The following FHIT variants were observed in gnomAD, a reference collection of about 807,000 sequenced individuals.
FHIT encodes the protein fragile histidine triad diadenosine triphosphatase.
A neutral mutation model predicts 17.9 loss-of-function variants in FHIT; 19 were observed. The ratio of observed to expected loss-of-function variants is 1.06; its 90% CI spans 0.74 to 1.56. The LOEUF (loss-of-function observed/expected upper bound fraction) is 1.56, where lower values mean the gene tolerates loss of function less well. Among genes scored for constraint, FHIT ranks in the 40% most tolerant of loss-of-function variants. The pLI is 0.00. For synonymous variants in FHIT, 81 were observed against 69.7 expected (o/e 1.16, Z -0.81); for missense variants, 248 against 189.2 (o/e 1.31, Z -1.82).
intron 8 of FHIT, among the ~76,000 whole-genome samples, chr3:59,829,574 C>T (rs535262620): frequency 1.1e-3 from 162 of 152,274 alleles, no homozygotes; most frequent in African/African-American, 3.4e-3. Flanking sequence ...GAACTGGATT[C>T]GGTGGTATGG....
rs145142344 is a variant in FHIT at position 60,313,231 on chromosome 3, C to A, written c.103+223629G>T. The stretch of plus-strand genomic sequence containing the variant: ...ACATATTTAGATACGTGCATTAGCA[C>A]CTTGGCATACACTTTTATAAACACT... On this transcript the variant is annotated intron_variant, in intron 5 of 9. Coordinates refer to ENST00000492590, the MANE Select transcript of FHIT (RefSeq NM_002012.4). Among the ~76,000 whole-genome samples, 158 of 152,318 alleles carry A rather than the reference C, an allele frequency of 1.0e-3. 1 individual carries two copies. Among genetic ancestry groups the A allele is most frequent in the African/African-American group, 3.6e-3 (150 of 41,576 alleles).
chr3:59,947,300 G>A (rs780534298), intron 7 of FHIT, among the ~76,000 whole-genome samples: 1 of 152,168 alleles, frequency 6.6e-6, no homozygotes, highest in Non-Finnish European at 1.5e-5. Flanking sequence ...TGTGTGCATA[G>A]AAGTAGTAGT....
chr3:61,130,103 C>A (rs756443298), intron 2 of FHIT, among the ~76,000 whole-genome samples: 1 of 152,090 alleles, frequency 6.6e-6, no homozygotes. Flanking sequence ...CTCAAAAAGA[C>A]CAGAGTCTAG....
At chr3:60,021,953 C>A (rs1700568555) in intron 5 of FHIT, among the ~76,000 whole-genome samples, 1 of 152,192 alleles carries the variant, frequency 6.6e-6, no homozygotes, top group Non-Finnish European at 1.5e-5. Context: ...TAAAATAGCT[C>A]TCTTTACCGC....
At chr3:61,012,554 G>C (rs1051535362) in intron 3 of FHIT, among the ~76,000 whole-genome samples, 1 of 151,664 alleles carries the variant, frequency 6.6e-6, no homozygotes, top group Non-Finnish European at 1.5e-5. Flanking sequence ...TGAAAAATTG[G>C]GATTGTGCTA....
intron 4 of FHIT, among the ~76,000 whole-genome samples, chr3:60,584,415 C>A (rs1553660955): frequency 2.6e-5 from 4 of 151,872 alleles, no homozygotes. Flanking sequence ...CCCTTGTGAG[C>A]TGCGGTGGCG....
chr3:60,563,675 A>C (rs2037034293), intron 4 of FHIT, among the ~76,000 whole-genome samples: 1 of 152,226 alleles, frequency 6.6e-6, no homozygotes, highest in Admixed American at 6.5e-5. Context: ...TAGAAGATCA[A>C]ACAAGCCACA....
intron 5 of FHIT, among the ~76,000 whole-genome samples, chr3:60,063,080 T>C (rs1408233793): frequency 6.6e-6 from 1 of 152,102 alleles, no homozygotes; most frequent in East Asian, 1.9e-4. Context: ...GCAAACAAAT[T>C]GCACATCCTG....
At chr3:60,709,884 A>G (rs1302144247) in intron 4 of FHIT, among the ~76,000 whole-genome samples, 3 of 152,270 alleles carry the variant, frequency 2.0e-5, no homozygotes, top group African/African-American at 4.8e-5. Context: ...TATGTTAAAT[A>G]CTTGAGTTTG....
intron 1 of FHIT, among the ~76,000 whole-genome samples, chr3:61,224,583 T>TA (rs2039920301): frequency 6.6e-6 from 1 of 152,154 alleles, no homozygotes; most frequent in African/African-American, 2.4e-5. Flanking sequence ...CTAATTTTTT[T>TA]ATTTTTAATA....
intron 5 of FHIT, among the ~76,000 whole-genome samples, chr3:60,351,186 T>C (rs971169668): frequency 1.3e-5 from 2 of 152,226 alleles, no homozygotes; most frequent in Admixed American, 6.5e-5. Flanking sequence ...TAATTTGTTA[T>C]ATAGCGACAG....
intron 7 of FHIT, among the ~76,000 whole-genome samples, chr3:59,946,138 T>G (rs1203722073): frequency 6.6e-6 from 1 of 152,218 alleles, no homozygotes; most frequent in Non-Finnish European, 1.5e-5. Flanking sequence ...TTTAACAGTA[T>G]TGATTCTTCC....
At chr3:60,407,641 A>G (rs750255078) in intron 5 of FHIT, among the ~76,000 whole-genome samples, 1 of 152,032 alleles carries the variant, frequency 6.6e-6, no homozygotes, top group Non-Finnish European at 1.5e-5. Flanking sequence ...CGGCCTCCCA[A>G]ATAGCTGGGA....
chr3:60,168,916 T>C (rs1358433474), intron 5 of FHIT, among the ~76,000 whole-genome samples: 1 of 152,200 alleles, frequency 6.6e-6, no homozygotes, highest in Non-Finnish European at 1.5e-5. Context: ...CCCCAGCAGA[T>C]ATCAAACCTG....
chr3:60,048,261 C>A (rs1050273645), intron 5 of FHIT, among the ~76,000 whole-genome samples: 1 of 152,206 alleles, frequency 6.6e-6, no homozygotes, highest in Non-Finnish European at 1.5e-5. Context: ...ACTGCACCTT[C>A]TGCCTCCTGG....
At chr3:59,812,975 T>A (rs1700459911) in intron 8 of FHIT, among the ~76,000 whole-genome samples, 1 of 152,136 alleles carries the variant, frequency 6.6e-6, no homozygotes, top group South Asian at 2.1e-4. Context: ...GAAAATTCCG[T>A]GCCCCTGGGT....
At chr3:60,240,017 T>C (rs977545985) in intron 5 of FHIT, among the ~76,000 whole-genome samples, 4 of 152,164 alleles carry the variant, frequency 2.6e-5, no homozygotes, top group Non-Finnish European at 5.9e-5. Flanking sequence ...ACTGCTATCA[T>C]AGGATTAAAT....
At chr3:60,747,197 T>C (rs1359732698) in intron 4 of FHIT, among the ~76,000 whole-genome samples, 1 of 152,006 alleles carries the variant, frequency 6.6e-6, no homozygotes, top group Admixed American at 6.6e-5. Context: ...ATGCCCTTCC[T>C]CCTTCATCTA....
At chr3:59,950,796 C>G (rs1707079138) in intron 7 of FHIT, among the ~76,000 whole-genome samples, 1 of 152,166 alleles carries the variant, frequency 6.6e-6, no homozygotes, top group Admixed American at 6.5e-5. Context: ...GAAAACACCT[C>G]TGAATCCAAC....
Sources: gnomAD v4.1 joint callset for allele counts (sites outside exome capture counted in the v4.1 genomes callset) on GRCh38, gnomAD v4.1.1 for gene constraint, MANE v1.5 for transcripts, NCBI Gene and HGNC (gene_info 2026-07-23, HGNC 2026-07-21) for gene names.